TIAM1: variants seen among roughly 807,000 people sequenced by gnomAD.
TIAM1 encodes rho guanine nucleotide exchange factor TIAM1.
TIAM1 carries 65 observed loss-of-function variants against 163.5 expected under a neutral mutation model. The observed-to-expected ratio is 0.40, with a 90% CI of 0.33 to 0.49. The LOEUF (loss-of-function observed/expected upper bound fraction) is 0.49, where lower values mean the gene tolerates loss of function less well. TIAM1 is among the 20% of genes least tolerant of loss of function. The pLI is 0.77. For missense variants in TIAM1, 1,789 were observed against 2,044.7 expected, an observed-to-expected ratio of 0.87 and a Z score of 2.41; for synonymous variants, 833 against 810.1, an observed-to-expected ratio of 1.03 and a Z score of -0.48.
intron 2 of TIAM1, among the ~76,000 whole-genome samples, chr21:31,372,120 G>C (rs116484682): frequency 0.014 from 2,063 of 152,292 alleles, 39 homozygotes; most frequent in African/African-American, 0.045. Context: ...TTTTCCTCTA[G>C]TTCCACCTCA....
intron 20 of TIAM1, among the ~76,000 whole-genome samples, chr21:31,144,846 A>AG (rs2083034759): frequency 6.6e-6 from 1 of 150,412 alleles, no homozygotes; most frequent in South Asian, 2.1e-4. Flanking sequence ...AAAAAAAAAA[A>AG]AAAAAAGAAA....
chr21:31,120,364 G>T lies in TIAM1; in HGVS notation c.*4C>A. The T allele has an allele frequency of 2.5e-6, 4 of 1,598,754 alleles. No individual in the cohort carries two copies. The highest frequency in any genetic ancestry group is 3.4e-6 in the Non-Finnish European group (4 of 1,171,456). Reference sequence around the variant, plus strand: ...ACACATTCTCTACGGGGCAGGTGACGCAGTCAGATCTCAGTGTTCAGTTTC... The same window carrying T: ...ACACATTCTCTACGGGGCAGGTGACTCAGTCAGATCTCAGTGTTCAGTTTC... On this transcript the variant is annotated 3_prime_UTR_variant, in exon 28 of 28. Coordinates refer to ENST00000541036, the MANE Select transcript of TIAM1 (RefSeq NM_001353694.2). This position sits in a 1 kb window ranked among gnomAD's most constrained non-coding sequence, Gnocchi z 4.2.
chr21:31,181,756 C>CTTTTTTTTTTTTTTTTTTTTTTT (rs781153297), intron 15 of TIAM1, among the ~76,000 whole-genome samples: 1 of 41,344 alleles, frequency 2.4e-5, no homozygotes, highest in Non-Finnish European at 5.3e-5. Flanking sequence ...TCTTCTTCTT[C>CTTTTTTTTTTTTTTTTTTTTTTT]TTTTTTTTTT....
At chr21:31,130,096 G>GAAAA in intron 25 of TIAM1, 117 bp downstream of exon 25, 6 of 555,656 alleles carry the variant, frequency 1.1e-5, no homozygotes, top group South Asian at 3.0e-5. Context: ...TAAGCATAGG[G>GAAAA]AAAAAAAAAA....
intron 3 of TIAM1, among the ~76,000 whole-genome samples, chr21:31,272,471 G>A (rs2073099803): frequency 6.9e-6 from 1 of 145,896 alleles, no homozygotes; most frequent in Non-Finnish European, 1.5e-5. Flanking sequence ...AGGCTACTAA[G>A]CCTTTTGTAA....
At chr21:31,358,791 A>G (rs2076356600) in intron 2 of TIAM1, among the ~76,000 whole-genome samples, 1 of 152,094 alleles carries the variant, frequency 6.6e-6, no homozygotes, top group African/African-American at 2.4e-5. Context: ...TCCTTCTACA[A>G]TCCATCCTCA....
chr21:31,464,200 C>T (rs1169998416), intron 1 of TIAM1, among the ~76,000 whole-genome samples: 1 of 152,084 alleles, frequency 6.6e-6, no homozygotes, highest in African/African-American at 2.4e-5. Context: ...GAAACAAAGG[C>T]CGTAAAATTA....
Position 31,545,835 on chromosome 21 carries a change from T to C in TIAM1, c.-422+13092A>G, listed in dbSNP as rs149625885. Among the ~76,000 whole-genome samples the C allele has an allele frequency of 2.4e-3, 362 of 152,340 alleles. 2 individuals carry two copies. Among genetic ancestry groups the C allele is most frequent in the Middle Eastern group, 3.4e-3 (1 of 294 alleles). On this transcript the variant is annotated intron_variant, in intron 1 of 28. Transcript: ENST00000286827. ...GTCCTTGTTGTTAAGAGGAACACTT[T>C]GTGATTAATCTCCATGTGTAAAGTG...
chr21:31,317,866 C>T (rs1427967215), intron 2 of TIAM1, among the ~76,000 whole-genome samples: 1 of 152,216 alleles, frequency 6.6e-6, no homozygotes, highest in Non-Finnish European at 1.5e-5. Flanking sequence ...GACAAAAGTA[C>T]ATGTGCCTAC....
intron 1 of TIAM1, among the ~76,000 whole-genome samples, chr21:31,523,872 C>G (rs956229418): frequency 1.3e-5 from 2 of 150,382 alleles, no homozygotes; most frequent in African/African-American, 4.9e-5. Flanking sequence ...GAGCTGAGAT[C>G]GCGCCACTGC....
intron 20 of TIAM1, among the ~76,000 whole-genome samples, chr21:31,146,018 C>A (rs8129496): frequency 0.12 from 18,291 of 151,972 alleles, 1,285 homozygotes; most frequent in African/African-American, 0.2. Context: ...AGGTTATAAT[C>A]GAAATTAAAG....
At chr21:31,302,290 T>C (rs1416254029) in intron 2 of TIAM1, among the ~76,000 whole-genome samples, 3 of 152,344 alleles carry the variant, frequency 2.0e-5, no homozygotes, top group African/African-American at 7.2e-5. Flanking sequence ...CTTGGTAATA[T>C]GAATATATTT....
chr21:31,205,022 T>C (rs561275183), intron 11 of TIAM1, among the ~76,000 whole-genome samples: 1 of 152,302 alleles, frequency 6.6e-6, no homozygotes, highest in Non-Finnish European at 1.5e-5. Context: ...AGATCCAAGA[T>C]TGTTGATGTC....
intron 1 of TIAM1, among the ~76,000 whole-genome samples, chr21:31,501,663 C>T (rs554057396): frequency 4.0e-5 from 6 of 151,768 alleles, no homozygotes; most frequent in South Asian, 2.1e-4. Flanking sequence ...AGTGCAGTGG[C>T]GCGATCTCGG....
chr21:31,231,753 T>C (rs2146663748), intron 6 of TIAM1, among the ~76,000 whole-genome samples: 1 of 152,224 alleles, frequency 6.6e-6, no homozygotes, highest in South Asian at 2.1e-4. Context: ...GAATGGTTCA[T>C]GCCTGTAGTC....
At chr21:31,145,424 G>C (rs554314375) in intron 20 of TIAM1, among the ~76,000 whole-genome samples, 1 of 152,210 alleles carries the variant, frequency 6.6e-6, no homozygotes, top group Non-Finnish European at 1.5e-5. Flanking sequence ...ACAGTGAAGT[G>C]TTAAGGAACA....
intron 1 of TIAM1, among the ~76,000 whole-genome samples, chr21:31,543,498 C>A (rs1197814430): frequency 7.7e-6 from 1 of 129,418 alleles, no homozygotes; most frequent in African/African-American, 2.5e-5. Context: ...TAGACTATAA[C>A]AACACACAGA....
chr21:31,180,031 G>T (rs1243445460), intron 15 of TIAM1, among the ~76,000 whole-genome samples: 1 of 150,314 alleles, frequency 6.7e-6, no homozygotes, highest in African/African-American at 2.5e-5. Context: ...TCAGCCTCCC[G>T]AGTAGCTGGG....
chr21:31,513,416 C>T (rs996694741), intron 1 of TIAM1, among the ~76,000 whole-genome samples: 8 of 152,118 alleles, frequency 5.3e-5, no homozygotes, highest in East Asian at 3.9e-4. Flanking sequence ...TGCCCCTGTT[C>T]GCTATTAAGC....
Sources: gnomAD v4.1 joint callset for allele counts (sites outside exome capture counted in the v4.1 genomes callset) on GRCh38, gnomAD v4.1.1 for gene constraint, Gnocchi (gnomAD v3.1) non-coding constraint, MANE v1.5 for transcripts, NCBI Gene and HGNC (gene_info 2026-07-23, HGNC 2026-07-21) for gene names.